Variants in RYK observed in about 807,000 individuals in gnomAD.
RYK encodes receptor like tyrosine kinase, also known as inactive tyrosine-protein kinase RYK.
RYK carries 21 observed loss-of-function variants against 70.2 expected under a neutral mutation model. The ratio of observed to expected loss-of-function variants is 0.30; its 90% CI spans 0.21 to 0.43. The LOEUF (loss-of-function observed/expected upper bound fraction) is 0.43, where lower values mean the gene tolerates loss of function less well. Ranked by LOEUF, RYK falls within the 20% of genes least tolerant of loss-of-function variation. RYK has a pLI of 1.00. For missense variants in RYK, 604 were observed against 753.3 expected, an observed-to-expected ratio of 0.80 and a Z score of 2.32; for synonymous variants, 267 against 278.0, an observed-to-expected ratio of 0.96 and a Z score of 0.39.
chr3:134,232,693 A>T (rs1341066518), intron 1 of RYK, among the ~76,000 whole-genome samples: 2 of 152,254 alleles, frequency 1.3e-5, no homozygotes, highest in Non-Finnish European at 2.9e-5. Flanking sequence ...AAAAGGCTTG[A>T]AAGAAACCAA....
At chr3:134,167,940 C>T (rs755411098) in intron 13 of RYK, among the ~76,000 whole-genome samples, 1 of 152,040 alleles carries the variant, frequency 6.6e-6, no homozygotes, top group Non-Finnish European at 1.5e-5. Context: ...AAAAAACAAC[C>T]CCATCAAAGA....
chr3:134,189,048 C>T (rs922855078), intron 8 of RYK, 125 bp from the exon 9 acceptor site: 6 of 533,786 alleles, frequency 1.1e-5, no homozygotes, highest in African/African-American at 1.0e-4. Flanking sequence ...ATTACTGTAG[C>T]CCTAGAGTAA....
At chr3:134,249,151 T>C (rs1011967426) in intron 1 of RYK, among the ~76,000 whole-genome samples, 3 of 152,208 alleles carry the variant, frequency 2.0e-5, no homozygotes, top group Non-Finnish European at 4.4e-5. Context: ...TAGTCTTGTG[T>C]TCCAAGTACT....
At chr3:134,168,563 T>G (rs559554867) in intron 13 of RYK, among the ~76,000 whole-genome samples, 1 of 142,638 alleles carries the variant, frequency 7.0e-6, no homozygotes, top group Admixed American at 7.6e-5. Context: ...TAGGTGGGAA[T>G]TGAACAATGA....
intron 3 of RYK, 62 bp downstream of exon 3, chr3:134,211,446 G>T: frequency 1.8e-6 from 2 of 1,112,342 alleles, no homozygotes; most frequent in East Asian, 2.4e-5. Context: ...CTTCTGTTTT[G>T]GGGCCATAGG....
Position 134,158,206 on chromosome 3 carries a change from G to A in RYK, c.1771C>T (p.Gln591Ter). The change falls in exon 15 of 15, where the codon CAG becomes TAG. Residue 591 changes from glutamine (Q) to a stop codon, truncating the protein, a stop_gained. Coordinates refer to ENST00000623711, the MANE Select transcript of RYK (RefSeq NM_002958.4). LOFTEE classifies it high-confidence loss of function. ...AACTCTGTTAGGCACTGTACCAGCT[G>A]CTGAAACTTGGGCCTCTCCTCTGGA... is the stretch of plus-strand genomic sequence containing the variant. Reference protein sequence around the residue: ...LDPEERPKFQQLVQCLTEFHA... With the variant: ...LDPEERPKFQ 2 of 1,577,264 alleles carry A rather than the reference G, an allele frequency of 1.3e-6. No individual in the cohort carries two copies. Among genetic ancestry groups the A allele is most frequent in the Non-Finnish European group, 1.7e-6 (2 of 1,159,954 alleles).
chr3:134,188,397 G>T (rs1307748895), intron 9 of RYK, among the ~76,000 whole-genome samples: 1 of 151,934 alleles, frequency 6.6e-6, no homozygotes, highest in Non-Finnish European at 1.5e-5. Flanking sequence ...CCTGACCTCA[G>T]GTGATCTGGC....
In RYK at chr3:134,237,291, ATC is replaced by A. The variant is rs377649864; in HGVS notation, c.232+13130_232+13131del. 3.3e-3 allele frequency among the ~76,000 whole-genome samples: 496 copies of A among 152,280 alleles called. 4 individuals are homozygous for A. Among genetic ancestry groups the A allele is most frequent in the African/African-American group, 0.012 (480 of 41,568 alleles). On this transcript the variant is annotated intron_variant, in intron 1 of 14. Transcript: ENST00000623711. ...TTCATTCGTGCTAAATCAGCAAACCATCTCTCTTTATTTTAAAAGCCACCTTT... is the reference window on the plus strand; with the variant it reads ...TTCATTCGTGCTAAATCAGCAAACCATCTCTTTATTTTAAAAGCCACCTTT...
intron 13 of RYK, among the ~76,000 whole-genome samples, chr3:134,175,165 G>A (rs1354166100): frequency 7.2e-5 from 11 of 151,990 alleles, no homozygotes; most frequent in Admixed American, 1.3e-4. Flanking sequence ...GTGAAACCCC[G>A]TCTCTACTAA....
chr3:134,191,343 G>C (rs2013635165), intron 8 of RYK, among the ~76,000 whole-genome samples: 1 of 152,134 alleles, frequency 6.6e-6, no homozygotes, highest in Non-Finnish European at 1.5e-5. Flanking sequence ...TTTATAACTA[G>C]TCTAAGAGAT....
chr3:134,168,432 T>C (rs931578381), intron 13 of RYK, among the ~76,000 whole-genome samples: 2 of 152,198 alleles, frequency 1.3e-5, no homozygotes, highest in Non-Finnish European at 2.9e-5. Flanking sequence ...CATGGAATGC[T>C]ATGCAGCCAT....
chr3:134,203,342 G>C (rs2014090903), intron 5 of RYK, among the ~76,000 whole-genome samples: 1 of 152,054 alleles, frequency 6.6e-6, no homozygotes, highest in Admixed American at 6.5e-5. Context: ...ACCATCTATG[G>C]ACTATTCTTA....
At chr3:134,217,045 G>A (rs994274077) in intron 2 of RYK, among the ~76,000 whole-genome samples, 4 of 152,142 alleles carry the variant, frequency 2.6e-5, no homozygotes, top group Non-Finnish European at 5.9e-5. Context: ...TATGCGCTAA[G>A]AGTAAGACAG....
At chr3:134,200,200 T>C (rs1576517569) in intron 6 of RYK, among the ~76,000 whole-genome samples, 1 of 152,144 alleles carries the variant, frequency 6.6e-6, no homozygotes, top group African/African-American at 2.4e-5. Flanking sequence ...ACAATAAATC[T>C]TGCTGCTGCT....
chr3:134,234,925 G>C (rs2015162629), intron 1 of RYK, among the ~76,000 whole-genome samples: 1 of 152,032 alleles, frequency 6.6e-6, no homozygotes, highest in Non-Finnish European at 1.5e-5. Context: ...GTCTATGACT[G>C]ATATTAGCAT....
At chr3:134,187,188 C>T (rs1460729800) in intron 9 of RYK, among the ~76,000 whole-genome samples, 2 of 152,122 alleles carry the variant, frequency 1.3e-5, no homozygotes, top group African/African-American at 4.8e-5. Context: ...TTGTAGCAGC[C>T]TTAAACAAAC....
At chr3:134,229,240 C>T (rs1396809250) in intron 1 of RYK, among the ~76,000 whole-genome samples, 1 of 152,000 alleles carries the variant, frequency 6.6e-6, no homozygotes, top group East Asian at 1.9e-4. Flanking sequence ...CTCTGGCTCC[C>T]TCGCCCTCTC....
At position 134,209,063 on chromosome 3, in the gene RYK, C is replaced by G. The variant is rs572803427; in HGVS notation, c.589+632G>C. ...ACTCTAAAATTCTTTGATTTATGAC[C>G]TAGCATGCTGGAACTCTTTCATATC... On this transcript the variant is annotated intron_variant, in intron 4 of 14. Coordinates refer to ENST00000623711, the MANE Select transcript of RYK (RefSeq NM_002958.4). 2.0e-5 allele frequency among the ~76,000 whole-genome samples: 3 copies of G among 152,250 alleles called. No individual in the cohort carries two copies. In the South Asian group the frequency reaches 6.2e-4, roughly 32 times the overall value.
At chr3:134,221,396 G>A (rs2014734016) in intron 2 of RYK, among the ~76,000 whole-genome samples, 1 of 151,506 alleles carries the variant, frequency 6.6e-6, no homozygotes, top group African/African-American at 2.4e-5. Flanking sequence ...GTAGAGATGG[G>A]GTTTCACCAT....
Sources: gnomAD v4.1 joint callset for allele counts (sites outside exome capture counted in the v4.1 genomes callset) on GRCh38, gnomAD v4.1.1 for gene constraint, MANE v1.5 for transcripts, NCBI Gene and HGNC (gene_info 2026-07-23, HGNC 2026-07-21) for gene names.